Variants in SYTL1 observed in about 807,000 individuals in gnomAD.
SYTL1 encodes the protein synaptotagmin like 1.
SYTL1 carries 53 observed loss-of-function variants against 74.6 expected under a neutral mutation model. That is an observed-to-expected ratio of 0.71 (90% CI 0.57 to 0.89). SYTL1 has a LOEUF of 0.89. SYTL1 is among the 40% of genes least tolerant of loss of function. SYTL1 has a pLI of 0.00. For missense variants in SYTL1, 728 were observed against 768.7 expected, an observed-to-expected ratio of 0.95 and a Z score of 0.63; for synonymous variants, 329 against 324.9, an observed-to-expected ratio of 1.01 and a Z score of -0.14.
At position 27,347,292 on chromosome 1, in the gene SYTL1, T is replaced by G; in HGVS notation, c.192-129T>G. 1 of 1,250,998 alleles carries G rather than the reference T, an allele frequency of 8.0e-7. No individual in the cohort carries two copies. The highest frequency in any genetic ancestry group is 1.1e-6 in the Non-Finnish European group (1 of 886,414). 77.5% of individuals were successfully genotyped at this position (1,250,998 alleles called of 1,614,324 possible). A position where few individuals can be genotyped will look rare whatever the true frequency, so the allele number is the denominator to read the frequency against. ...TGGTCTCCCCAGCAGCCCGAGCTCC[T>G]CCACAGCACAGATCAAGTCTGATTT... On this transcript the variant is annotated intron_variant, in intron 2 of 14. Coordinates refer to ENST00000616558, the MANE Select transcript of SYTL1 (RefSeq NM_001193308.2). This position sits in a 1 kb window ranked among gnomAD's most constrained non-coding sequence, Gnocchi z 4.9.
At position 27,347,715 on chromosome 1, in the gene SYTL1, CA is replaced by C; in HGVS notation, c.341-92del. On this transcript the variant is annotated intron_variant, in intron 3 of 14. Transcript: ENST00000616558. The surrounding 1 kb of genome is among the most constrained non-coding windows in gnomAD (Gnocchi z 4.9). Reference sequence around the variant, plus strand: ...TCAGTGGGCAATGCCCCTCCGTGGGCATGGGGTGGGTGGGTATCTCCCAGGG... The same window carrying C: ...TCAGTGGGCAATGCCCCTCCGTGGGCTGGGGTGGGTGGGTATCTCCCAGGG... The C allele has an allele frequency of 1.1e-6, 1 of 921,788 alleles. No homozygotes were observed. Among genetic ancestry groups the C allele is most frequent in the Non-Finnish European group, 1.6e-6 (1 of 622,688 alleles). The allele number at this position is 921,788 out of a possible 1,614,324, so 57.1% of individuals were successfully genotyped here.
rs1000522014 is a variant in SYTL1, at chr1:27,348,952, C to A, written c.460-128C>A. On this transcript the variant is annotated intron_variant, in intron 5 of 14. Coordinates refer to ENST00000616558, the MANE Select transcript of SYTL1 (RefSeq NM_001193308.2). The surrounding 1 kb of genome is among the most constrained non-coding windows in gnomAD (Gnocchi z 4.1). ...CCTGCAGCTGGCTGCCAGCCCTGCCCGGAGGGCTGCCCTAAACCTGAAACT... is the reference window on the plus strand; with the variant it reads ...CCTGCAGCTGGCTGCCAGCCCTGCCAGGAGGGCTGCCCTAAACCTGAAACT... The A allele has an allele frequency of 2.7e-6, 2 of 729,440 alleles. No individual in the cohort carries two copies. The highest frequency in any genetic ancestry group is 4.6e-6 in the Non-Finnish European group (2 of 437,328). The allele number at this position is 729,440 out of a possible 1,614,324, so 45.2% of individuals were successfully genotyped here. A position where few individuals can be genotyped will look rare whatever the true frequency, so the allele number is the denominator to read the frequency against.
At chr1:27,349,620 A>G in intron 7 of SYTL1, 32 bp from the exon 8 acceptor site, 1 of 1,574,326 alleles carries the variant, frequency 6.4e-7, no homozygotes, top group Non-Finnish European at 8.6e-7. Flanking sequence ...GTGGGGAAAG[A>G]AGGGGCGCCC....
intron 13 of SYTL1, chr1:27,352,540 G>A (rs1219420989): frequency 6.6e-6 from 1 of 151,934 alleles, no homozygotes; most frequent in Non-Finnish European, 1.5e-5. Flanking sequence ...CCAGGCTGGA[G>A]TGCAGTGGCA....
intron 13 of SYTL1, 40 bp from the exon 14 acceptor site, chr1:27,353,243 G>A (rs754339051): frequency 1.3e-5 from 20 of 1,550,858 alleles, no homozygotes; most frequent in Non-Finnish European, 1.7e-5. Context: ...TCTAGGGAGT[G>A]TGAGGGGGGT....
chr1:27,351,578 G>A lies in SYTL1; in HGVS notation c.1343+23G>A, dbSNP rs928616696. The A allele has an allele frequency of 4.1e-6, 6 of 1,450,802 alleles. No individual in the cohort carries two copies. Among genetic ancestry groups the A allele is most frequent in the African/African-American group, 2.9e-5 (2 of 69,870 alleles). The allele number at this position is 1,450,802 out of a possible 1,614,324, so 89.9% of individuals were successfully genotyped here. A position where few individuals can be genotyped will look rare whatever the true frequency, so the allele number is the denominator to read the frequency against. On this transcript the variant is annotated intron_variant, in intron 13 of 14. Transcript: ENST00000616558. This position sits in a 1 kb window ranked among gnomAD's most constrained non-coding sequence, Gnocchi z 5.0. Reference sequence around the variant, plus strand: ...ATGGTGAGGAGTGCTGGCCCTCCGGGCTTCCCATTCTTTTGCCTGCAGTGG... The same window carrying A: ...ATGGTGAGGAGTGCTGGCCCTCCGGACTTCCCATTCTTTTGCCTGCAGTGG...
rs2015223564 is a variant in SYTL1 at position 27,350,576 on chromosome 1, T to C, written c.1005+91T>C. On this transcript the variant is annotated intron_variant, in intron 10 of 14. Transcript: ENST00000616558. This position sits in a 1 kb window ranked among gnomAD's most constrained non-coding sequence, Gnocchi z 6.3. The stretch of plus-strand genomic sequence containing the variant: ...GTGGCAAGGGCAGCCAGTAACGTCA[T>C]TGCCCGGAGGATCGGCGGAGGGGGC... The C allele has an allele frequency of 2.5e-6, 3 of 1,205,760 alleles. No homozygotes were observed. The Admixed American group carries it at 5.6e-5, about 23-fold the overall frequency. 74.7% of individuals were successfully genotyped at this position (1,205,760 alleles called of 1,614,324 possible). A position where few individuals can be genotyped will look rare whatever the true frequency, so the allele number is the denominator to read the frequency against.
Position 27,350,221 on chromosome 1 carries a change from A to G in SYTL1, c.908+89A>G, listed in dbSNP as rs2015201943. 2.7e-6 allele frequency: 4 copies of G among 1,484,858 alleles called. No individual in the cohort carries two copies. In the East Asian group the frequency reaches 7.4e-5, roughly 27 times the overall value. The allele number at this position is 1,484,858 out of a possible 1,614,324, so 92.0% of individuals were successfully genotyped here. On this transcript the variant is annotated intron_variant, in intron 9 of 14. Coordinates refer to ENST00000616558, the MANE Select transcript of SYTL1 (RefSeq NM_001193308.2). This position sits in a 1 kb window ranked among gnomAD's most constrained non-coding sequence, Gnocchi z 6.3. ...TCGGCCTCCTCGTCCTCATCTTCAA[A>G]ATGGGAACAACAGCGTTATTGGGAG...
rs1305115870 is a variant in SYTL1, at chr1:27,345,445, G to A, written c.111G>A (p.Leu37=). ...ETEGLLDLSF[L]TEEEQEAIAG... is the part of the protein sequence containing the mutation. ...AAGGACTGTTGGACCTCAGCTTCCT[G>A]ACAGAGGAGGAGCAGGAGGCCATTG... The change falls in exon 2 of 15, where the codon CTG becomes CTA. Residue 37 remains leucine (L), a synonymous_variant. Transcript: ENST00000616558. This position sits in a 1 kb window ranked among gnomAD's most constrained non-coding sequence, Gnocchi z 6.0. The A allele has an allele frequency of 6.4e-7, 1 of 1,562,748 alleles. No individual in the cohort carries two copies. The highest frequency in any genetic ancestry group is 1.9e-5 in the Admixed American group (1 of 51,774).
chr1:27,349,280 T>C, intron 6 of SYTL1, 118 bp from the exon 7 acceptor site: 1 of 1,473,130 alleles, frequency 6.8e-7, no homozygotes, highest in Non-Finnish European at 9.1e-7. Flanking sequence ...GTGGGGACGA[T>C]CCCAGGGCAG....
rs1270893400 is a variant in SYTL1, at chr1:27,350,119, C to A, written c.895C>A (p.Arg299Ser). The change falls in exon 9 of 15, where the codon CGC (arginine) becomes AGC (serine). Residue 299 changes from arginine to serine, a missense_variant. Transcript: ENST00000616558. The surrounding 1 kb of genome is among the most constrained non-coding windows in gnomAD (Gnocchi z 6.3). ...CCAGGGCCTGGCCGCCGCCCGGCGC[C>A]GCCGCTCGGACCCGTGAGTGCCCCG... ...QCQGLAAARR[R>S]RSDPYVKSYL... is the part of the protein sequence containing the mutation. 14 of 1,393,960 alleles carry A rather than the reference C, an allele frequency of 1.0e-5. No homozygotes were observed. The highest frequency in any genetic ancestry group is 1.9e-4 in the Middle Eastern group (1 of 5,276). The allele number at this position is 1,393,960 out of a possible 1,614,324, so 86.3% of individuals were successfully genotyped here.
Position 27,350,143 on chromosome 1 carries a change from C to A in SYTL1, c.908+11C>A. The A allele has an allele frequency of 7.1e-7, 1 of 1,400,086 alleles. No homozygotes were observed. The highest frequency in any genetic ancestry group is 1.6e-5 in the South Asian group (1 of 61,898). 86.7% of individuals were successfully genotyped at this position (1,400,086 alleles called of 1,614,324 possible). Reference sequence around the variant, plus strand: ...CCGCCGCTCGGACCCGTGAGTGCCCCGCCGGCCAAGCGGGGCGCGGCTGTC... The same window carrying A: ...CCGCCGCTCGGACCCGTGAGTGCCCAGCCGGCCAAGCGGGGCGCGGCTGTC... On this transcript the variant is annotated intron_variant, in intron 9 of 14. Transcript: ENST00000616558. This position sits in a 1 kb window ranked among gnomAD's most constrained non-coding sequence, Gnocchi z 6.3.
Position 27,350,052 on chromosome 1 carries a change from C to T in SYTL1, c.828C>T (p.Tyr276=), listed in dbSNP as rs2015189234. ...VRGSVHFALH[Y]EPGAAELRVH... is the part of the protein sequence containing the mutation. ...GCTCCGTGCACTTCGCGCTGCACTA[C>T]GAGCCGGGCGCCGCCGAGCTGCGCG... The change falls in exon 9 of 15, where the codon TAC becomes TAT. Residue 276 remains tyrosine (Y), a synonymous_variant. Transcript: ENST00000616558. This position sits in a 1 kb window ranked among gnomAD's most constrained non-coding sequence, Gnocchi z 6.3. 1.5e-5 allele frequency: 22 copies of T among 1,516,426 alleles called. No homozygotes were observed. The highest frequency in any genetic ancestry group is 2.4e-5 in the South Asian group (2 of 81,946). 93.9% of individuals were successfully genotyped at this position (1,516,426 alleles called of 1,614,324 possible).
chr1:27,349,800 G>T (rs1277505346), intron 8 of SYTL1, 35 bp downstream of exon 8: 3 of 1,562,412 alleles, frequency 1.9e-6, no homozygotes, highest in African/African-American at 1.4e-5. Flanking sequence ...GGCGGCCGGG[G>T]GGTGGACCCG....
chr1:27,353,157 TA>T, intron 13 of SYTL1, 125 bp from the exon 14 acceptor site: 1 of 981,776 alleles, frequency 1.0e-6, no homozygotes, highest in South Asian at 1.6e-5. Context: ...AGTGAGGGTC[TA>T]AGGCCAGGCA....
Position 27,343,930 on chromosome 1 carries a change from T to C in SYTL1, c.-38-1367T>C, listed in dbSNP as rs1218413032. Among the ~76,000 whole-genome samples, 1 of 152,084 alleles carries C rather than the reference T, an allele frequency of 6.6e-6. No homozygotes were observed. On this transcript the variant is annotated intron_variant, in intron 1 of 14. Transcript: ENST00000616558. The surrounding 1 kb of genome is among the most constrained non-coding windows in gnomAD (Gnocchi z 5.2). ...TTGGTGTGCATATGCTGTGTGCAGG[T>C]TTTTTTGTTAGTTTTTGTTTTGAGA...
chr1:27,344,108 C>A (rs781605670), intron 1 of SYTL1, among the ~76,000 whole-genome samples: 7 of 150,848 alleles, frequency 4.6e-5, no homozygotes, highest in Non-Finnish European at 1.0e-4. Flanking sequence ...TTGTTCTGTT[C>A]TTTTCATTTT....
At position 27,349,725 on chromosome 1, in the gene SYTL1, T is replaced by G; in HGVS notation, c.707T>G (p.Leu236Arg). 1.2e-6 allele frequency: 2 copies of G among 1,609,988 alleles called. No individual in the cohort carries two copies. The highest frequency in any genetic ancestry group is 1.7e-6 in the Non-Finnish European group (2 of 1,179,322). The part of the protein sequence containing the change: ...PGPDPSLDRM[L>R]SSSSSVSSLN... ...CCCGACCCCTCTCTCGACCGCATGC[T>G]CAGCAGCAGCTCCTCGGTGTCCAGC... The change falls in exon 8 of 15, where the codon CTC (leucine) becomes CGC (arginine). Residue 236 changes from leucine to arginine, a missense_variant. Leu to Arg is a moderately radical substitution (Grantham distance 102). Transcript: ENST00000616558.
chr1:27,346,387 GTAGCC>G (rs1421822095), intron 2 of SYTL1, among the ~76,000 whole-genome samples: 1 of 152,192 alleles, frequency 6.6e-6, no homozygotes, highest in African/African-American at 2.4e-5. Flanking sequence ...TCCTAGCTAC[GTAGCC>G]TTGGCAACTC....
Sources: gnomAD v4.1 joint callset for allele counts (sites outside exome capture counted in the v4.1 genomes callset) on GRCh38, gnomAD v4.1.1 for gene constraint, Gnocchi (gnomAD v3.1) non-coding constraint, MANE v1.5 for transcripts, NCBI Gene and HGNC (gene_info 2026-07-23, HGNC 2026-07-21) for gene names.